The following PLPP3 variants were observed in gnomAD, a reference collection of about 807,000 sequenced individuals.
PLPP3 encodes the protein PAP2 beta.
A neutral mutation model predicts 29.6 loss-of-function variants in PLPP3; 6 were observed. The ratio of observed to expected loss-of-function variants is 0.20; its 90% CI spans 0.11 to 0.40. The LOEUF (loss-of-function observed/expected upper bound fraction) is 0.40, where lower values mean the gene tolerates loss of function less well. PLPP3 is among the 10% of genes least tolerant of loss of function. PLPP3 has a pLI of 1.00. For synonymous variants in PLPP3, 152 were observed against 159.7 expected (o/e 0.95, Z 0.36); for missense variants, 308 against 407.7 (o/e 0.76, Z 2.11).
At chr1:56,536,859 A>T in intron 2 of PLPP3, 96 bp downstream of exon 2, 19 of 1,484,818 alleles carry the variant, frequency 1.3e-5, no homozygotes, top group Non-Finnish European at 1.7e-5. Context: ...GTTGGCTTCT[A>T]CTTGGTATAA....
intron 2 of PLPP3, among the ~76,000 whole-genome samples, chr1:56,530,237 T>C (rs1645878608): frequency 6.6e-6 from 1 of 152,100 alleles, no homozygotes; most frequent in South Asian, 2.1e-4. Context: ...ACCCAATAAA[T>C]GTGGGTCTTC....
chr1:56,512,182 A>G, intron 4 of PLPP3, 30 bp from the exon 5 acceptor site: 1 of 1,537,594 alleles, frequency 6.5e-7, no homozygotes, highest in Non-Finnish European at 8.7e-7. Context: ...AGGAACAGAC[A>G]TTAAGTGACT....
At chr1:56,558,135 T>TG (rs1053290807) in intron 1 of PLPP3, among the ~76,000 whole-genome samples, 3 of 152,226 alleles carry the variant, frequency 2.0e-5, no homozygotes, top group Admixed American at 6.5e-5. Flanking sequence ...TTTTAAGAGT[T>TG]GCAAAAACAA....
At position 56,495,044 on chromosome 1, in the gene PLPP3, C is replaced by T. The variant is rs903795368; in HGVS notation, c.*1507G>A. 3 of 152,342 alleles carry T rather than the reference C, an allele frequency of 2.0e-5. No individual in the cohort carries two copies. Among genetic ancestry groups the T allele is most frequent in the Non-Finnish European group, 4.4e-5 (3 of 68,006 alleles). The allele number at this position is 152,342 out of a possible 1,614,324, so 9.4% of individuals were successfully genotyped here. ...AGCAGCTAATGTAAATAACACAGGTCGAGACACAGTTTATAATCATAGTGG... is the reference window on the plus strand; with the variant it reads ...AGCAGCTAATGTAAATAACACAGGTTGAGACACAGTTTATAATCATAGTGG... On this transcript the variant is annotated 3_prime_UTR_variant, in exon 6 of 6. Coordinates refer to ENST00000371250, the MANE Select transcript of PLPP3 (RefSeq NM_003713.5).
chr1:56,578,780 C>T lies in PLPP3; in HGVS notation c.139+98G>A, dbSNP rs566323008. The T allele has an allele frequency of 4.1e-6, 5 of 1,220,598 alleles. No individual in the cohort carries two copies. In the Middle Eastern group the frequency reaches 9.4e-4, roughly 229 times the overall value. The allele number at this position is 1,220,598 out of a possible 1,614,324, so 75.6% of individuals were successfully genotyped here. A position where few individuals can be genotyped will look rare whatever the true frequency, so the allele number is the denominator to read the frequency against. On this transcript the variant is annotated intron_variant, in intron 1 of 5. Transcript: ENST00000371250. ...TGCGGGGGCCCCCCGGAGCTGACGG[C>T]GCGGCGCGGCGCGGCGCTGCGCGGC...
At chr1:56,499,602 C>T (rs977218508) in intron 5 of PLPP3, among the ~76,000 whole-genome samples, 1 of 152,224 alleles carries the variant, frequency 6.6e-6, no homozygotes. Context: ...TACTCAAATA[C>T]TGCCTGCACG....
chr1:56,497,400 T>C (rs1191730304), intron 5 of PLPP3, among the ~76,000 whole-genome samples: 1 of 152,362 alleles, frequency 6.6e-6, no homozygotes, highest in South Asian at 2.1e-4. Flanking sequence ...CCTGCCTCAA[T>C]GTGCTTATGA....
intron 1 of PLPP3, among the ~76,000 whole-genome samples, chr1:56,561,728 T>C (rs1357385379): frequency 2.0e-5 from 3 of 152,094 alleles, no homozygotes; most frequent in African/African-American, 7.2e-5. Flanking sequence ...GAAGTGACTA[T>C]CAAGAGGTAA....
intron 2 of PLPP3, among the ~76,000 whole-genome samples, chr1:56,532,435 C>G (rs1358676213): frequency 3.9e-5 from 6 of 152,056 alleles, no homozygotes; most frequent in Admixed American, 3.9e-4. Context: ...TGTTGAGGAA[C>G]CTTGTTTTCT....
At position 56,522,401 on chromosome 1, in the gene PLPP3, TA is replaced by T. The variant is rs1382373527; in HGVS notation, c.633+1421del. ...CATACCCAGTTCCTCTAAGCACTTT[TA>T]TAAAACATCGAAATTACATTTTTAA... is the stretch of plus-strand genomic sequence containing the variant. On this transcript the variant is annotated intron_variant, in intron 4 of 5. Transcript: ENST00000371250. Among the ~76,000 whole-genome samples, 149 of 152,342 alleles carry T rather than the reference TA, an allele frequency of 9.8e-4. 2 individuals carry two copies. The South Asian group carries it at 0.019, about 19-fold the overall frequency.
intron 1 of PLPP3, among the ~76,000 whole-genome samples, chr1:56,573,777 C>T (rs1015761461): frequency 3.9e-5 from 6 of 152,188 alleles, no homozygotes; most frequent in Non-Finnish European, 8.8e-5. Flanking sequence ...TAACTGCCTA[C>T]ACAGGGAAGA....
intron 5 of PLPP3, among the ~76,000 whole-genome samples, chr1:56,499,328 C>T (rs1323106800): frequency 6.6e-6 from 1 of 152,070 alleles, no homozygotes; most frequent in Non-Finnish European, 1.5e-5. Flanking sequence ...ATTACTGGGC[C>T]CAGAGAAAGC....
At chr1:56,569,027 T>G (rs1052569076) in intron 1 of PLPP3, among the ~76,000 whole-genome samples, 20 of 151,972 alleles carry the variant, frequency 1.3e-4, no homozygotes, top group Admixed American at 5.9e-4. Flanking sequence ...TGCCTCCCAT[T>G]TGCCTACCCT....
chr1:56,511,324 A>T (rs1291898496), intron 5 of PLPP3, among the ~76,000 whole-genome samples: 1 of 152,140 alleles, frequency 6.6e-6, no homozygotes, highest in Non-Finnish European at 1.5e-5. Context: ...CATTTGGGGC[A>T]AATCAGTATG....
chr1:56,533,935 G>A (rs1645907350), intron 2 of PLPP3, among the ~76,000 whole-genome samples: 1 of 152,196 alleles, frequency 6.6e-6, no homozygotes, highest in South Asian at 2.1e-4. Context: ...GTCAAGTTAG[G>A]TAGCATTTTT....
intron 4 of PLPP3, among the ~76,000 whole-genome samples, chr1:56,516,011 G>A (rs1645778264): frequency 6.6e-6 from 1 of 152,158 alleles, no homozygotes; most frequent in Non-Finnish European, 1.5e-5. Flanking sequence ...TTCTGCCCTG[G>A]TGAATGACAT....
Position 56,524,359 on chromosome 1 carries a change from C to A in PLPP3, c.493G>T (p.Asp165Tyr). The A allele has an allele frequency of 6.2e-7, 1 of 1,614,058 alleles. No homozygotes were observed. Among genetic ancestry groups the A allele is most frequent in the Non-Finnish European group, 8.5e-7 (1 of 1,179,948 alleles). ...TCAGAGCAGTTGATCTGGCTGAAAT[C>A]AGGGTTGCAGACACTCAAGAAGTGA... ...RPHFLSVCNPDFSQINCSEGY... is the reference protein window; with the variant it reads ...RPHFLSVCNPYFSQINCSEGY... The change falls in exon 3 of 6, where the codon GAT (aspartate) becomes TAT (tyrosine). Residue 165 changes from aspartate to tyrosine, a missense_variant. Coordinates refer to ENST00000371250, the MANE Select transcript of PLPP3 (RefSeq NM_003713.5). The surrounding 1 kb of genome is among the most constrained non-coding windows in gnomAD (Gnocchi z 4.3).
chr1:56,560,179 C>A lies in PLPP3; in HGVS notation c.139+18699G>T, dbSNP rs77173061. Among the ~76,000 whole-genome samples the A allele has an allele frequency of 1.1e-3, 168 of 152,288 alleles. 3 individuals are homozygous for A. The East Asian group carries it at 0.027, about 24-fold the overall frequency. ...AGATTCAAGGACTGAAACCTCTCCC[C>A]ATTCATCATTAGACCTCGACACCCA... On this transcript the variant is annotated intron_variant, in intron 1 of 5. Coordinates refer to ENST00000371250, the MANE Select transcript of PLPP3 (RefSeq NM_003713.5).
At chr1:56,525,795 C>A (rs1323166371) in intron 2 of PLPP3, among the ~76,000 whole-genome samples, 2 of 152,094 alleles carry the variant, frequency 1.3e-5, no homozygotes, top group Non-Finnish European at 2.9e-5. Context: ...TGCACAGCCA[C>A]AAGGGAAGCA....
Sources: allele counts gnomAD v4.1 joint callset (sites outside exome capture counted in the v4.1 genomes callset), GRCh38; gene constraint gnomAD v4.1.1; non-coding constraint Gnocchi (gnomAD v3.1); transcripts MANE v1.5; gene names NCBI Gene and HGNC (gene_info 2026-07-23, HGNC 2026-07-21).